Variants in MCM3 observed in about 807,000 individuals in gnomAD.
MCM3 encodes DNA replication licensing factor MCM3.
A neutral mutation model predicts 91.3 loss-of-function variants in MCM3; 59 were observed. The ratio of observed to expected loss-of-function variants is 0.65; its 90% confidence interval spans 0.52 to 0.80. The LOEUF (loss-of-function observed/expected upper bound fraction) is 0.80. Ranked by LOEUF, MCM3 falls within the 30% of genes least tolerant of loss-of-function variation. MCM3 has a pLI of 0.00. For synonymous variants in MCM3, 383 were observed against 379.6 expected, an observed-to-expected ratio of 1.01 and a Z score of -0.10; for missense variants, 919 against 1,035.4, an observed-to-expected ratio of 0.89 and a Z score of 1.54.
intron 12 of MCM3, among the ~76,000 whole-genome samples, chr6:52,271,242 G>A (rs1197934736): frequency 1.3e-5 from 2 of 152,094 alleles, no homozygotes; most frequent in Non-Finnish European, 2.9e-5. Context: ...GATGATCTGG[G>A]ATCATGTCTA....
intron 1 of MCM3, 94 bp downstream of exon 1, chr6:52,284,503 C>G: frequency 8.7e-7 from 1 of 1,145,394 alleles, no homozygotes; most frequent in East Asian, 2.7e-5. Flanking sequence ...CTGCGGCACA[C>G]GGTCTGGAGG....
At chr6:52,269,827 A>C (rs955235871) in intron 12 of MCM3, among the ~76,000 whole-genome samples, 6 of 149,472 alleles carry the variant, frequency 4.0e-5, no homozygotes, top group African/African-American at 1.5e-4. Context: ...CTATTGTCTG[A>C]ATGGCCTTTC....
In MCM3 at chr6:52,284,707, C is replaced by T; in HGVS notation, c.-33G>A. 1 of 1,590,390 alleles carries T rather than the reference C, an allele frequency of 6.3e-7. No homozygotes were observed. The highest frequency in any genetic ancestry group is 8.5e-7 in the Non-Finnish European group (1 of 1,169,928). On this transcript the variant is annotated 5_prime_UTR_variant, in exon 1 of 17. Coordinates refer to ENST00000596288, the MANE Select transcript of MCM3 (RefSeq NM_002388.6). ...GCCAAAGAACTACCTCCACCAAAGT[C>T]GCGTGGAGGTTCCCAGGATGACTCC...
At chr6:52,277,246 C>A in intron 7 of MCM3, 48 bp from the exon 8 acceptor site, 1 of 1,585,978 alleles carries the variant, frequency 6.3e-7, no homozygotes, top group South Asian at 1.1e-5. Context: ...CCCCAGCACC[C>A]CCAGCAAATT....
chr6:52,283,445 T>A, intron 1 of MCM3, 39 bp from the exon 2 acceptor site: 1 of 1,381,174 alleles, frequency 7.2e-7, no homozygotes, highest in African/African-American at 1.4e-5. Context: ...AGCCACAAAT[T>A]TAAAAACAAT....
chr6:52,267,993 G>A, intron 13 of MCM3, 25 bp from the exon 14 acceptor site: 1 of 1,613,908 alleles, frequency 6.2e-7, no homozygotes, highest in Non-Finnish European at 8.5e-7. Context: ...AGTGTGGCTG[G>A]GCTAGAGGGG....
chr6:52,278,978 G>A (rs1765823157), intron 5 of MCM3, 128 bp from the exon 6 acceptor site: 1 of 607,176 alleles, frequency 1.6e-6, no homozygotes, highest in African/African-American at 1.8e-5. Context: ...TGGTGGGGAG[G>A]GGGCAGGTAG....
chr6:52,267,599 T>C (rs1764745038), intron 14 of MCM3, among the ~76,000 whole-genome samples: 1 of 149,334 alleles, frequency 6.7e-6, no homozygotes, highest in Non-Finnish European at 1.5e-5. Context: ...ACGATCCTGG[T>C]TCACTGCAAC....
intron 6 of MCM3, 26 bp from the exon 7 acceptor site, chr6:52,277,714 G>A (rs760038686): frequency 6.2e-7 from 1 of 1,609,678 alleles, no homozygotes. Context: ...CCAATGGCAA[G>A]CCTAGTGAGA....
chr6:52,278,642 C>A, intron 6 of MCM3, 100 bp downstream of exon 6: 1 of 730,322 alleles, frequency 1.4e-6, no homozygotes, highest in Non-Finnish European at 2.3e-6. Flanking sequence ...AACACCAAAC[C>A]TCAACCCTTC....
rs752619369 is a variant in MCM3, at chr6:52,264,728, T to C, written c.2287A>G (p.Ile763Val). The C allele has an allele frequency of 9.3e-6, 15 of 1,614,054 alleles. No individual in the cohort carries two copies. The highest frequency in any genetic ancestry group is 2.7e-5 in the African/African-American group (2 of 74,922). Residue 763 changes from isoleucine to valine, a missense_variant, in exon 17 of 17, where the codon ATC becomes GTC. By Grantham distance (29) the Ile-to-Val change is conservative. Transcript: ENST00000596288. Reference protein sequence around the residue: ...DVFREAHAQSIGMNRLTESIN... With the variant: ...DVFREAHAQSVGMNRLTESIN... Reference sequence around the variant, plus strand: ...GATTCTGTGAGGCGATTCATGCCGATTGACTGCGCATGAGCTTCCCGGAAC... The same window carrying C: ...GATTCTGTGAGGCGATTCATGCCGACTGACTGCGCATGAGCTTCCCGGAAC...
Position 52,283,396 on chromosome 6 carries a change from C to A in MCM3, c.89G>T (p.Gly30Val), listed in dbSNP as rs775410933. 6.2e-7 allele frequency: 1 copy of A among 1,612,996 alleles called. No homozygotes were observed. Among genetic ancestry groups the A allele is most frequent in the African/African-American group, 1.3e-5 (1 of 74,896 alleles). ...LDFLDDEEDQ[G>V]IYQSKVRELI... The stretch of plus-strand genomic sequence containing the variant: ...CTCCCGAACTTTGCTCTGATAAATT[C>A]CCTGGTCTTCCTGCAAAACAGCCAC... Residue 30 changes from glycine (G) to valine (V), a missense_variant, in exon 2 of 17, where the codon GGA becomes GTA. This residue lies in a region of MCM3 where 401 missense variants were observed against 402.7 expected (regional missense o/e 1.00). Transcript: ENST00000596288.
rs772104193 is a variant in MCM3 at position 52,277,556 on chromosome 6, C to A, written c.1012G>T (p.Asp338Tyr). 1.9e-5 allele frequency: 31 copies of A among 1,613,754 alleles called. No individual in the cohort carries two copies. The highest frequency in any genetic ancestry group is 2.5e-5 in the Non-Finnish European group (29 of 1,179,926). Residue 338 changes from aspartate to tyrosine, a missense_variant, in exon 7 of 17, where the codon GAC (aspartate) becomes TAC (tyrosine). By Grantham distance (160) the Asp-to-Tyr change is radical. Coordinates refer to ENST00000596288, the MANE Select transcript of MCM3 (RefSeq NM_002388.6). ...GTACCTATTAGAAGAATATTGATGT[C>A]CCCACGGATGTGGCTGCCATTTTCT... ...DLENGSHIRG[D>Y]INILLIGDPS...
At chr6:52,280,376 T>C (rs772330268) in intron 4 of MCM3, among the ~76,000 whole-genome samples, 4 of 152,268 alleles carry the variant, frequency 2.6e-5, no homozygotes, top group African/African-American at 4.8e-5. Flanking sequence ...TTGTCACTTA[T>C]TGAGTGTTTG....
At chr6:52,279,707 T>A in intron 4 of MCM3, 108 bp from the exon 5 acceptor site, 2 of 889,316 alleles carry the variant, frequency 2.2e-6, no homozygotes, top group Non-Finnish European at 1.7e-6. Context: ...TATTATTCAG[T>A]AACAAAAAAA....
chr6:52,275,987 A>G (rs1765521251), intron 9 of MCM3: 2 of 381,076 alleles, frequency 5.2e-6, no homozygotes, highest in Admixed American at 4.3e-5. Context: ...CGCCACATGC[A>G]TGTAGTCCTT....
intron 12 of MCM3, among the ~76,000 whole-genome samples, chr6:52,271,853 G>A (rs577330858): frequency 2.0e-4 from 31 of 152,206 alleles, no homozygotes; most frequent in Admixed American, 6.5e-4. Flanking sequence ...CAGTTTATTC[G>A]TCTATGCTCA....
rs1049697166 is a variant in MCM3, at chr6:52,264,459, C to A, written c.*129G>T. On this transcript the variant is annotated 3_prime_UTR_variant, in exon 17 of 17. Transcript: ENST00000596288. ...CGAGTCCTGAACTCAGCTTCATCAC[C>A]AACATTCCTCGCCTTCAGTTGAATT... is the stretch of plus-strand genomic sequence containing the variant. 154 of 1,018,470 alleles carry A rather than the reference C, an allele frequency of 1.5e-4. 1 individual carries two copies. Among genetic ancestry groups the A allele is most frequent in the Non-Finnish European group, 2.2e-4 (147 of 682,332 alleles). 63.1% of individuals were successfully genotyped at this position (1,018,470 alleles called of 1,614,324 possible). A position where few individuals can be genotyped will look rare whatever the true frequency, so the allele number is the denominator to read the frequency against.
chr6:52,279,684 C>T (rs17246296), intron 4 of MCM3, 85 bp from the exon 5 acceptor site: 23,024 of 1,011,426 alleles, frequency 0.023, 315 homozygotes, highest in Non-Finnish European at 0.028. Context: ...AATAAGATGA[C>T]TTCATAAAAT....
Sources: gnomAD v4.1 joint callset for allele counts (sites outside exome capture counted in the v4.1 genomes callset) on GRCh38, gnomAD v4.1.1 for gene constraint, gnomAD v4.1.1 regional missense constraint, MANE v1.5 for transcripts, NCBI Gene and HGNC (gene_info 2026-07-23, HGNC 2026-07-21) for gene names.